CACNA2D3: variants seen among roughly 807,000 people sequenced by gnomAD.
The protein encoded by CACNA2D3 is voltage-dependent calcium channel subunit alpha-2/delta-3.
In CACNA2D3, 60 loss-of-function variants were observed where a neutral mutation model predicts 160.6. The observed-to-expected ratio is 0.37, with a 90% CI of 0.30 to 0.46. The LOEUF (loss-of-function observed/expected upper bound fraction) is 0.46. CACNA2D3 is among the 20% of genes least tolerant of loss of function. The pLI is 1.00. For synonymous variants in CACNA2D3, 558 were observed against 492.9 expected (o/e 1.13, Z -1.75); for missense variants, 1,205 against 1,365.0 (o/e 0.88, Z 1.85).
In CACNA2D3 at chr3:54,869,292, A is replaced by G. The variant is rs190050911; in HGVS notation, c.1627-2247A>G. ...GCTATGCGATCTTATTTAACTTGTG[A>G]TTTAATTTATTTAACTTGTGAGAAC... On this transcript the variant is annotated intron_variant, in intron 17 of 37. Coordinates refer to ENST00000474759, the MANE Select transcript of CACNA2D3 (RefSeq NM_018398.3). 3.5e-3 allele frequency among the ~76,000 whole-genome samples: 539 copies of G among 152,302 alleles called. 3 individuals carry two copies. Among genetic ancestry groups the G allele is most frequent in the African/African-American group, 0.012 (506 of 41,552 alleles).
At chr3:54,731,877 C>T (rs1027671477) in intron 11 of CACNA2D3, among the ~76,000 whole-genome samples, 20 of 151,956 alleles carry the variant, frequency 1.3e-4, no homozygotes, top group African/African-American at 3.1e-4. Context: ...AGGGCAATGG[C>T]GTGGATCAAA....
chr3:54,594,329 A>T (rs560028394), intron 9 of CACNA2D3, among the ~76,000 whole-genome samples: 1 of 152,342 alleles, frequency 6.6e-6, no homozygotes, highest in Admixed American at 6.5e-5. Context: ...ATAAAACTTT[A>T]TTTAAAAAAA....
At chr3:54,962,656 C>T (rs534691438) in intron 27 of CACNA2D3, among the ~76,000 whole-genome samples, 34 of 152,284 alleles carry the variant, frequency 2.2e-4, no homozygotes, top group African/African-American at 3.4e-4. Context: ...GGTCTTAAAA[C>T]GGGTTTGCAA....
At position 54,210,216 on chromosome 3, in the gene CACNA2D3, C is replaced by CG. The variant is rs144098511; in HGVS notation, c.204+86624dup. Among the ~76,000 whole-genome samples the CG allele has an allele frequency of 2.5e-3, 380 of 152,166 alleles. 3 individuals carry two copies. The highest frequency in any genetic ancestry group is 7.5e-3 in the African/African-American group (313 of 41,506). ...GAGCCCAGAGGTGGCACCTGTGGCC[C>CG]GGCCTCTGAGCTGTGACTTTCTATC... is the stretch of plus-strand genomic sequence containing the variant. On this transcript the variant is annotated intron_variant, in intron 2 of 37. Transcript: ENST00000474759.
intron 18 of CACNA2D3, among the ~76,000 whole-genome samples, chr3:54,877,562 T>A (rs1699691417): frequency 6.6e-6 from 1 of 152,192 alleles, no homozygotes; most frequent in Non-Finnish European, 1.5e-5. Context: ...ATCATAAAGC[T>A]CTGGCTCCAG....
intron 35 of CACNA2D3, among the ~76,000 whole-genome samples, chr3:55,063,577 A>G (rs979525330): frequency 3.3e-5 from 5 of 152,186 alleles, no homozygotes; most frequent in African/African-American, 1.2e-4. Flanking sequence ...GAGAAGCAGC[A>G]TGGTGCACTC....
chr3:54,968,371 C>A (rs184953725), intron 27 of CACNA2D3, 79 bp from the exon 28 acceptor site: 118 of 912,116 alleles, frequency 1.3e-4, no homozygotes, highest in East Asian at 7.1e-4. Flanking sequence ...CTTGCCATGA[C>A]GGATAATTTT....
intron 5 of CACNA2D3, among the ~76,000 whole-genome samples, chr3:54,509,501 C>T (rs1357891668): frequency 2.0e-5 from 3 of 152,098 alleles, no homozygotes; most frequent in African/African-American, 7.2e-5. Context: ...ATGATATGGC[C>T]ATAACTTGGT....
chr3:54,726,983 C>T (rs1015769269), intron 11 of CACNA2D3, among the ~76,000 whole-genome samples: 1 of 152,156 alleles, frequency 6.6e-6, no homozygotes, highest in Non-Finnish European at 1.5e-5. Flanking sequence ...AGGCAACCTA[C>T]AGAATGGGAG....
intron 9 of CACNA2D3, among the ~76,000 whole-genome samples, chr3:54,586,480 A>C (rs1028118676): frequency 2.0e-5 from 3 of 152,208 alleles, no homozygotes; most frequent in African/African-American, 7.2e-5. Context: ...AAACATTACA[A>C]TCCTAAGTGT....
intron 15 of CACNA2D3, among the ~76,000 whole-genome samples, chr3:54,837,581 T>C (rs1183385990): frequency 6.6e-6 from 1 of 152,124 alleles, no homozygotes; most frequent in Admixed American, 6.5e-5. Flanking sequence ...ACAAACTGTG[T>C]GGCTTAAAAA....
intron 13 of CACNA2D3, among the ~76,000 whole-genome samples, chr3:54,771,782 T>TAA (rs1702326853): frequency 6.6e-6 from 1 of 152,100 alleles, no homozygotes; most frequent in Non-Finnish European, 1.5e-5. Flanking sequence ...TCCCATCAGC[T>TAA]TACACTCAAG....
At chr3:54,865,194 CT>C (rs1699371766) in intron 17 of CACNA2D3, among the ~76,000 whole-genome samples, 1 of 152,224 alleles carries the variant, frequency 6.6e-6, no homozygotes, top group South Asian at 2.1e-4. Flanking sequence ...ATTCAAAGTA[CT>C]TTTACCCTTT....
At chr3:54,275,234 C>T (rs1702709605) in intron 2 of CACNA2D3, among the ~76,000 whole-genome samples, 1 of 152,180 alleles carries the variant, frequency 6.6e-6, no homozygotes, top group Admixed American at 6.5e-5. Context: ...GCAGCCTCTG[C>T]CCCGGCCCAC....
intron 4 of CACNA2D3, among the ~76,000 whole-genome samples, chr3:54,485,720 C>T (rs1022909477): frequency 1.3e-5 from 2 of 152,090 alleles, no homozygotes; most frequent in Non-Finnish European, 2.9e-5. Flanking sequence ...TGCAACAGCA[C>T]GCTTAGCCAA....
intron 35 of CACNA2D3, among the ~76,000 whole-genome samples, chr3:55,060,346 G>GTGGTGA (rs1184002072): frequency 3.3e-5 from 5 of 152,186 alleles, no homozygotes; most frequent in African/African-American, 1.2e-4. Flanking sequence ...GACGATGTTG[G>GTGGTGA]TGGTGATGGT....
At chr3:54,684,308 C>T (rs1700409545) in intron 11 of CACNA2D3, among the ~76,000 whole-genome samples, 1 of 152,106 alleles carries the variant, frequency 6.6e-6, no homozygotes. Flanking sequence ...TCAGGGACCA[C>T]CTAACCCAAT....
chr3:54,548,667 G>T (rs760439667), intron 5 of CACNA2D3, among the ~76,000 whole-genome samples: 5 of 152,186 alleles, frequency 3.3e-5, no homozygotes, highest in Non-Finnish European at 5.9e-5. Context: ...TTCAAAGGAT[G>T]ACAGGGGATC....
intron 27 of CACNA2D3, among the ~76,000 whole-genome samples, chr3:54,954,172 G>T (rs540892336): frequency 6.6e-6 from 1 of 152,130 alleles, no homozygotes; most frequent in South Asian, 2.1e-4. Flanking sequence ...TCACCCAGTC[G>T]CATCTGGTCT....
Sources: allele counts gnomAD v4.1 joint callset (sites outside exome capture counted in the v4.1 genomes callset), GRCh38; gene constraint gnomAD v4.1.1; transcripts MANE v1.5; gene names NCBI Gene and HGNC (gene_info 2026-07-23, HGNC 2026-07-21).